Variants in GLI2 observed in about 807,000 individuals in gnomAD.
The protein encoded by GLI2 is GLI family zinc finger 2, also known as transcription activator GLI2.
GLI2 carries 22 observed loss-of-function variants against 78.9 expected under a neutral mutation model. The ratio of observed to expected loss-of-function variants is 0.28; its 90% CI spans 0.20 to 0.40. The LOEUF (loss-of-function observed/expected upper bound fraction) is 0.40. GLI2 is among the 10% of genes least tolerant of loss of function. The probability of loss-of-function intolerance (pLI) is 1.00; values close to 1 mark genes in which losing one functional copy is unlikely to be tolerated. For synonymous variants in GLI2, 974 were observed against 963.7 expected (o/e 1.01, Z -0.20); for missense variants, 2,097 against 2,213.2 (o/e 0.95, Z 1.05).
At chr2:120,792,040 C>T (rs1684175067) in intron 1 of GLI2, among the ~76,000 whole-genome samples, 2 of 152,198 alleles carry the variant, frequency 1.3e-5, no homozygotes, top group African/African-American at 4.8e-5. Context: ...GTGGCTGTGA[C>T]TGCTGAGAGG....
intron 3 of GLI2, among the ~76,000 whole-genome samples, chr2:120,936,094 C>G (rs1188075601): frequency 6.6e-6 from 1 of 152,126 alleles, no homozygotes; most frequent in East Asian, 1.9e-4. Flanking sequence ...GGACATTTCC[C>G]CTCCACACCC....
chr2:120,838,798 T>A (rs1435000319), intron 2 of GLI2, among the ~76,000 whole-genome samples: 1 of 152,248 alleles, frequency 6.6e-6, no homozygotes, highest in Non-Finnish European at 1.5e-5. Flanking sequence ...TGTGTTACAG[T>A]TGCCTACAAT....
intron 2 of GLI2, among the ~76,000 whole-genome samples, chr2:120,809,821 C>T (rs989421444): frequency 4.6e-5 from 7 of 152,120 alleles, no homozygotes; most frequent in African/African-American, 9.7e-5. Flanking sequence ...ATTAAGGGTG[C>T]GAGTTTGGAG....
chr2:120,781,762 A>G (rs552904793), intron 1 of GLI2, among the ~76,000 whole-genome samples: 2 of 152,236 alleles, frequency 1.3e-5, no homozygotes, highest in South Asian at 2.1e-4. Flanking sequence ...GCACACCTGT[A>G]GTCCTGGCTA....
At chr2:120,887,418 C>T (rs376902661) in intron 2 of GLI2, among the ~76,000 whole-genome samples, 4 of 152,354 alleles carry the variant, frequency 2.6e-5, no homozygotes, top group South Asian at 2.1e-4. Context: ...TGCTGGGCTG[C>T]GTGTTGGATT....
chr2:120,896,132 T>G (rs75354280), intron 2 of GLI2, among the ~76,000 whole-genome samples: 1 of 152,164 alleles, frequency 6.6e-6, no homozygotes, highest in Non-Finnish European at 1.5e-5. Context: ...CCCTGAGTGA[T>G]CTTGGGCAGG....
chr2:120,869,043 A>T (rs892332876), intron 2 of GLI2, among the ~76,000 whole-genome samples: 1 of 152,192 alleles, frequency 6.6e-6, no homozygotes, highest in Non-Finnish European at 1.5e-5. Context: ...TGGAGACAGG[A>T]CTGGGCCAAG....
chr2:120,820,314 G>C (rs1209408013), intron 2 of GLI2, among the ~76,000 whole-genome samples: 1 of 152,272 alleles, frequency 6.6e-6, no homozygotes, highest in South Asian at 2.1e-4. Flanking sequence ...TGTCGCCCTC[G>C]TATTTGCTCA....
At chr2:120,769,335 C>T (rs933440165) in intron 1 of GLI2, among the ~76,000 whole-genome samples, 4 of 152,340 alleles carry the variant, frequency 2.6e-5, no homozygotes, top group East Asian at 1.9e-4. Context: ...CAAGTACTGT[C>T]CCAGTCCAGT....
intron 2 of GLI2, among the ~76,000 whole-genome samples, chr2:120,903,092 A>G (rs1258660422): frequency 6.6e-6 from 1 of 152,124 alleles, no homozygotes; most frequent in East Asian, 1.9e-4. Flanking sequence ...ACTTTTTTTA[A>G]TGCAATTCAG....
intron 2 of GLI2, among the ~76,000 whole-genome samples, chr2:120,859,266 C>G (rs78444650): frequency 0.04 from 6,106 of 152,212 alleles, 399 homozygotes; most frequent in African/African-American, 0.14. Context: ...AAAGCAGAAG[C>G]CTAGGCCTCC....
intron 2 of GLI2, among the ~76,000 whole-genome samples, chr2:120,886,335 G>A (rs971341145): frequency 3.3e-5 from 5 of 151,940 alleles, no homozygotes; most frequent in African/African-American, 1.2e-4. Flanking sequence ...CATTGATCAT[G>A]GCTCACTGCA....
intron 1 of GLI2, among the ~76,000 whole-genome samples, chr2:120,758,362 G>T (rs1683100045): frequency 6.6e-6 from 1 of 152,260 alleles, no homozygotes; most frequent in African/African-American, 2.4e-5. Flanking sequence ...ACTCTTCCAT[G>T]ATGCTGTCAT....
chr2:120,848,595 G>A (rs1440035072), intron 2 of GLI2, among the ~76,000 whole-genome samples: 4 of 152,310 alleles, frequency 2.6e-5, no homozygotes, highest in African/African-American at 9.6e-5. Flanking sequence ...ACCCTGGGGA[G>A]GGAAGAGTTG....
intron 2 of GLI2, among the ~76,000 whole-genome samples, chr2:120,832,844 C>T (rs565674213): frequency 3.3e-5 from 5 of 152,210 alleles, no homozygotes; most frequent in Non-Finnish European, 5.9e-5. Flanking sequence ...AAGGTCTGGT[C>T]CTCCACAGGG....
chr2:120,890,077 G>A (rs1396541925), intron 2 of GLI2, among the ~76,000 whole-genome samples: 5 of 152,188 alleles, frequency 3.3e-5, no homozygotes, highest in African/African-American at 4.8e-5. Context: ...TTTCGTGGTC[G>A]AGTGGTTAGA....
chr2:120,957,396 G>T (rs141819096), intron 5 of GLI2, among the ~76,000 whole-genome samples: 5 of 152,322 alleles, frequency 3.3e-5, no homozygotes, highest in Admixed American at 1.3e-4. Context: ...AGCCCTACAC[G>T]GTGCTCCCAC....
intron 1 of GLI2, among the ~76,000 whole-genome samples, chr2:120,743,724 T>A (rs1346438542): frequency 6.6e-6 from 1 of 152,228 alleles, no homozygotes. Flanking sequence ...GGTGACCCTG[T>A]GCAAGTTGCT....
chr2:120,951,076 C>G (rs1238949295), intron 3 of GLI2, among the ~76,000 whole-genome samples, 167 bp from the exon 4 acceptor site: 3 of 152,242 alleles, frequency 2.0e-5, no homozygotes, highest in Non-Finnish European at 2.9e-5. Flanking sequence ...AGAGTTCAGA[C>G]TGTAATTCAC....
Sources: gnomAD v4.1 joint callset for allele counts (sites outside exome capture counted in the v4.1 genomes callset) on GRCh38, gnomAD v4.1.1 for gene constraint, MANE v1.5 for transcripts, NCBI Gene and HGNC (gene_info 2026-07-23, HGNC 2026-07-21) for gene names.